Variants in ARHGEF7 observed in about 807,000 individuals in gnomAD.
ARHGEF7 encodes the protein Rho guanine nucleotide exchange factor 7, also known as PAK-interacting exchange factor beta.
In ARHGEF7, 33 loss-of-function variants were observed where a neutral mutation model predicts 109.8. The ratio of observed to expected loss-of-function variants is 0.30; its 90% CI spans 0.23 to 0.40. ARHGEF7 has a LOEUF of 0.40. Ranked by LOEUF, ARHGEF7 falls within the 10% of genes least tolerant of loss-of-function variation. The pLI is 1.00. For missense variants in ARHGEF7, 938 were observed against 1,098.5 expected, an observed-to-expected ratio of 0.85 and a Z score of 2.07; for synonymous variants, 458 against 424.6, an observed-to-expected ratio of 1.08 and a Z score of -0.97.
At chr13:111,170,224 A>ACTAGCTGAGACT (rs1555351890) in intron 2 of ARHGEF7, among the ~76,000 whole-genome samples, 1 of 151,946 alleles carries the variant, frequency 6.6e-6, no homozygotes, top group Non-Finnish European at 1.5e-5. Context: ...CAACCTCTCG[A>ACTAGCTGAGACT]GTAGCTGAGA....
At chr13:111,293,497 G>A in intron 19 of ARHGEF7, 2 of 984,448 alleles carry the variant, frequency 2.0e-6, no homozygotes, top group Non-Finnish European at 2.4e-6. Flanking sequence ...GTTTTCACTG[G>A]CCTCACTCAG....
At chr13:111,301,831 G>T (rs2093576048) in intron 21 of ARHGEF7, among the ~76,000 whole-genome samples, 1 of 152,188 alleles carries the variant, frequency 6.6e-6, no homozygotes, top group Non-Finnish European at 1.5e-5. Context: ...GGCGGAGGTT[G>T]CTGTGAGCCG....
At position 111,303,125 on chromosome 13, in the gene ARHGEF7, A is replaced by T; in HGVS notation, c.*12A>T. The T allele has an allele frequency of 6.8e-7, 1 of 1,481,222 alleles. No homozygotes were observed. The highest frequency in any genetic ancestry group is 9.1e-7 in the Non-Finnish European group (1 of 1,098,698). The allele number at this position is 1,481,222 out of a possible 1,614,324, so 91.8% of individuals were successfully genotyped here. ...AGACCAATCTATAAGGGATGTCCTC[A>T]GTTCTTTCTGTTGAAGACCAGTTCT... On this transcript the variant is annotated 3_prime_UTR_variant, in exon 22 of 22. Transcript: ENST00000646102.
chr13:111,242,750 G>A (rs2088019236), intron 6 of ARHGEF7, among the ~76,000 whole-genome samples: 1 of 152,228 alleles, frequency 6.6e-6, no homozygotes, highest in South Asian at 2.1e-4. Flanking sequence ...CCGCTGTCTG[G>A]CTCTGCTTTT....
At chr13:111,300,611 G>A in intron 19 of ARHGEF7, 137 bp from the exon 20 acceptor site, 1 of 576,580 alleles carries the variant, frequency 1.7e-6, no homozygotes, top group Non-Finnish European at 2.9e-6. Context: ...CCCTCCTCTA[G>A]CTTGCCTGGA....
At chr13:111,152,589 A>G (rs1187228476) in intron 1 of ARHGEF7, among the ~76,000 whole-genome samples, 2 of 152,330 alleles carry the variant, frequency 1.3e-5, no homozygotes, top group Admixed American at 6.5e-5. Flanking sequence ...AAAACACCTG[A>G]GCACCATAAA....
chr13:111,223,946 TC>T (rs1399624881), intron 5 of ARHGEF7, among the ~76,000 whole-genome samples: 1 of 150,764 alleles, frequency 6.6e-6, no homozygotes, highest in East Asian at 2.0e-4. Context: ...AACCTCCACC[TC>T]CTGGGTTCAA....
At chr13:111,262,415 T>TGC (rs1491421003) in intron 8 of ARHGEF7, among the ~76,000 whole-genome samples, 5 of 146,242 alleles carry the variant, frequency 3.4e-5, no homozygotes, top group Non-Finnish European at 7.8e-5. Context: ...TGTGTGTGCA[T>TGC]GTGTGTGTGT....
intron 2 of ARHGEF7, among the ~76,000 whole-genome samples, chr13:111,181,100 CT>C (rs2078688581): frequency 6.6e-6 from 1 of 152,160 alleles, no homozygotes; most frequent in East Asian, 1.9e-4. Flanking sequence ...TTGTTTATCT[CT>C]TAGTGGTGAA....
At chr13:111,178,345 T>A (rs1012410665) in intron 2 of ARHGEF7, among the ~76,000 whole-genome samples, 25 of 152,232 alleles carry the variant, frequency 1.6e-4, no homozygotes, top group African/African-American at 5.8e-4. Context: ...CTACATTTAA[T>A]GTGTTTTTAA....
At chr13:111,289,403 A>G (rs1595563604) in intron 18 of ARHGEF7, among the ~76,000 whole-genome samples, 1 of 152,174 alleles carries the variant, frequency 6.6e-6, no homozygotes, top group South Asian at 2.1e-4. Context: ...GTGGCGGCTG[A>G]TGCAGCGTGC....
chr13:111,293,388 A>G, intron 19 of ARHGEF7: 1 of 984,258 alleles, frequency 1.0e-6, no homozygotes, highest in South Asian at 4.7e-5. Context: ...GTAATGGGAT[A>G]TTGAAGTTCA....
intron 18 of ARHGEF7, among the ~76,000 whole-genome samples, chr13:111,290,102 A>G (rs2093213862): frequency 1.3e-5 from 2 of 152,240 alleles, no homozygotes; most frequent in Non-Finnish European, 2.9e-5. Context: ...AATAGGCTGT[A>G]AAATGTGGCC....
chr13:111,294,989 A>G (rs577423100), intron 19 of ARHGEF7: 101 of 985,758 alleles, frequency 1.0e-4, no homozygotes, highest in Admixed American at 6.8e-4. Flanking sequence ...AATCTCTATA[A>G]TTGTGCTCTT....
intron 1 of ARHGEF7, chr13:111,144,758 G>T (rs376365248): frequency 1.8e-4 from 27 of 152,330 alleles, no homozygotes; most frequent in African/African-American, 6.5e-4. Context: ...CATCTGTCTT[G>T]AGGACTGTTT....
chr13:111,173,254 GC>G (rs2077767854), intron 2 of ARHGEF7, among the ~76,000 whole-genome samples: 1 of 152,198 alleles, frequency 6.6e-6, no homozygotes, highest in Admixed American at 6.5e-5. Context: ...AATGCATACT[GC>G]CTGGGAGGGC....
intron 19 of ARHGEF7, chr13:111,294,799 A>T: frequency 1.0e-6 from 1 of 985,860 alleles, no homozygotes; most frequent in African/African-American, 1.7e-5. Context: ...TAATGAAAGG[A>T]TGAAGAGTCT....
At position 111,145,954 on chromosome 13, in the gene ARHGEF7, C is replaced by G. The variant is rs879461672; in HGVS notation, c.166-7951C>G. Among the ~76,000 whole-genome samples, 3 of 152,172 alleles carry G rather than the reference C, an allele frequency of 2.0e-5. No individual in the cohort carries two copies. Among genetic ancestry groups the G allele is most frequent in the Admixed American group, 2.0e-4 (3 of 15,274 alleles). On this transcript the variant is annotated intron_variant, in intron 1 of 21. Coordinates refer to ENST00000646102, the MANE Select transcript of ARHGEF7 (RefSeq NM_001354046.2). The surrounding 1 kb of genome is among the most constrained non-coding windows in gnomAD (Gnocchi z 4.3). Reference sequence around the variant, plus strand: ...CTCCGTGATGAGTGGATTTGGTGACCTAAGTGAGTTAGGTCATTTAGTGCA... The same window carrying G: ...CTCCGTGATGAGTGGATTTGGTGACGTAAGTGAGTTAGGTCATTTAGTGCA...
chr13:111,283,480 C>T lies in ARHGEF7; in HGVS notation c.1950+117C>T, dbSNP rs1232652073. 4 of 1,428,872 alleles carry T rather than the reference C, an allele frequency of 2.8e-6. No individual in the cohort carries two copies. In the East Asian group the frequency reaches 1.0e-4, roughly 36 times the overall value. 88.5% of individuals were successfully genotyped at this position (1,428,872 alleles called of 1,614,324 possible). ...AAAATGCACCCTAACTCCTAGAGAACTGAGAAGGGGGGGTCTGCCTTGGTT... is the reference window on the plus strand; with the variant it reads ...AAAATGCACCCTAACTCCTAGAGAATTGAGAAGGGGGGGTCTGCCTTGGTT... On this transcript the variant is annotated intron_variant, in intron 16 of 21. Transcript: ENST00000646102.
Sources: allele counts gnomAD v4.1 joint callset (sites outside exome capture counted in the v4.1 genomes callset), GRCh38; gene constraint gnomAD v4.1.1; non-coding constraint Gnocchi (gnomAD v3.1); transcripts MANE v1.5; gene names NCBI Gene and HGNC (gene_info 2026-07-23, HGNC 2026-07-21).